The following DAGLB variants were observed in gnomAD, a reference collection of about 807,000 sequenced individuals.
The protein encoded by DAGLB is diacylglycerol lipase beta, also known as diacylglycerol lipase-beta.
In DAGLB, 66 loss-of-function variants were observed where a neutral mutation model predicts 72.1. The observed-to-expected ratio is 0.92, with a 90% CI of 0.75 to 1.12. The LOEUF is 1.12. DAGLB is among the 50% of genes most tolerant of loss of function. The pLI, the probability that DAGLB is intolerant of heterozygous loss-of-function variation, is 0.00. For missense variants in DAGLB, 1,065 were observed against 884.9 expected (o/e 1.20, Z -2.58); for synonymous variants, 414 against 359.5 (o/e 1.15, Z -1.71).
At chr7:6,434,638 A>AC (rs1016220039) in intron 4 of DAGLB, 124 bp downstream of exon 4, 19 of 1,487,360 alleles carry the variant, frequency 1.3e-5, no homozygotes, top group Non-Finnish European at 1.5e-5. Flanking sequence ...GTCTCCGGCC[A>AC]CCCCCCACAC....
At chr7:6,416,575 A>T in intron 11 of DAGLB, 52 bp downstream of exon 11, 1 of 1,546,002 alleles carries the variant, frequency 6.5e-7, no homozygotes, top group South Asian at 1.2e-5. Context: ...ATGAGTCTTG[A>T]CCACATGACT....
chr7:6,411,754 G>A (rs1017667577), intron 13 of DAGLB, among the ~76,000 whole-genome samples: 2 of 152,130 alleles, frequency 1.3e-5, no homozygotes, highest in Non-Finnish European at 2.9e-5. Context: ...CATCTCTACC[G>A]ACACTAAACA....
chr7:6,432,649 G>A (rs113386598), intron 5 of DAGLB, among the ~76,000 whole-genome samples, 188 bp downstream of exon 5: 1 of 116,928 alleles, frequency 8.6e-6, no homozygotes, highest in Admixed American at 1.1e-4. Flanking sequence ...GACAGAGCGA[G>A]ACTCCGTCTT....
intron 2 of DAGLB, among the ~76,000 whole-genome samples, chr7:6,440,159 G>A (rs1229785508): frequency 6.6e-6 from 1 of 151,420 alleles, no homozygotes; most frequent in Non-Finnish European, 1.5e-5. Flanking sequence ...TTGGGAGGCT[G>A]AGGCGGCAGA....
chr7:6,445,415 A>G (rs527251852), intron 2 of DAGLB, among the ~76,000 whole-genome samples: 40 of 152,336 alleles, frequency 2.6e-4, no homozygotes, highest in Admixed American at 4.6e-4. Flanking sequence ...GATGTCCACA[A>G]TAGGCAAATG....
intron 9 of DAGLB, chr7:6,417,262 TAAA>T: frequency 1.3e-5 from 2 of 159,440 alleles, no homozygotes; most frequent in South Asian, 3.0e-4. Context: ...CTGACTCTAC[TAAA>T]AAAAAAAAAA....
chr7:6,433,701 G>A (rs1205360129), intron 4 of DAGLB, among the ~76,000 whole-genome samples: 2 of 152,048 alleles, frequency 1.3e-5, no homozygotes, highest in South Asian at 2.1e-4. Context: ...TTAGCTGGGC[G>A]TGGTGGCAGG....
intron 6 of DAGLB, 55 bp from the exon 7 acceptor site, chr7:6,426,169 G>A (rs1343197180): frequency 3.8e-5 from 61 of 1,604,152 alleles, no homozygotes; most frequent in African/African-American, 5.4e-5. Flanking sequence ...GGCAAGGAAC[G>A]TCCATCCTCA....
chr7:6,423,420 C>A (rs5020305), intron 8 of DAGLB, among the ~76,000 whole-genome samples: 12,184 of 149,252 alleles, frequency 0.082, 1,152 homozygotes, highest in East Asian at 0.52. Context: ...ACAGAAACCA[C>A]AGACGACGCC....
At chr7:6,423,731 G>A (rs1003468656) in intron 8 of DAGLB, among the ~76,000 whole-genome samples, 1 of 152,098 alleles carries the variant, frequency 6.6e-6, no homozygotes, top group African/African-American at 2.4e-5. Context: ...GGGACTACAG[G>A]AGCCCACCAC....
intron 6 of DAGLB, among the ~76,000 whole-genome samples, chr7:6,428,122 G>A (rs1784368232): frequency 6.6e-6 from 1 of 151,928 alleles, no homozygotes; most frequent in East Asian, 1.9e-4. Context: ...CAAGGCGAGT[G>A]GATCACCTGA....
intron 14 of DAGLB, 35 bp from the exon 15 acceptor site, chr7:6,410,070 C>A (rs1320646765): frequency 1.3e-6 from 2 of 1,598,322 alleles, no homozygotes; most frequent in South Asian, 1.1e-5. Flanking sequence ...TCCCACGCGG[C>A]CCCAGGGCTG....
At chr7:6,441,092 AT>A (rs34344272) in intron 2 of DAGLB, among the ~76,000 whole-genome samples, 53,453 of 139,002 alleles carry the variant, frequency 0.38, 11,717 homozygotes, top group Middle Eastern at 0.59. Flanking sequence ...CAAACTGACA[AT>A]TTTTTTTTTT....
intron 11 of DAGLB, among the ~76,000 whole-genome samples, chr7:6,416,012 C>T (rs964668177): frequency 4.6e-5 from 7 of 151,810 alleles, no homozygotes; most frequent in African/African-American, 7.3e-5. Flanking sequence ...TGTCAACAAC[C>T]GGACCCCTCT....
intron 3 of DAGLB, among the ~76,000 whole-genome samples, chr7:6,435,771 C>A (rs536286353): frequency 3.3e-5 from 5 of 152,170 alleles, no homozygotes; most frequent in African/African-American, 1.2e-4. Context: ...GAGGAGCACA[C>A]GCAACCGGGA....
chr7:6,423,125 G>A (rs768342642), intron 8 of DAGLB, among the ~76,000 whole-genome samples: 4 of 152,154 alleles, frequency 2.6e-5, no homozygotes, highest in Non-Finnish European at 4.4e-5. Context: ...AGTGGCACAT[G>A]CCTGTATTCC....
chr7:6,416,919 AC>A lies in DAGLB; in HGVS notation c.1220del (p.Gly407ValfsTer19). 1 of 1,614,136 alleles carries A rather than the reference AC, an allele frequency of 6.2e-7. No individual in the cohort carries two copies. The highest frequency in any genetic ancestry group is 1.1e-5 in the South Asian group (1 of 91,086). On this transcript the variant is annotated frameshift_variant and splice_region_variant, in exon 10 of 15. Coordinates refer to ENST00000297056, the MANE Select transcript of DAGLB (RefSeq NM_139179.4). LOFTEE classifies it high-confidence loss of function. ...CEVQDRLAHK[G>X]ISQAARYVYQ... ...AAACGTATCTGGCAGCTTGAGAAAT[AC>A]CCTAAAAACACAGACAAAGAAGGTG...
Position 6,438,493 on chromosome 7 carries a change from A to G in DAGLB, c.248-1960T>C, listed in dbSNP as rs569865077. ...AGGGGGAAAGGGTGCAGGTATGTGG[A>G]AAAAAAAAAACACAGTCCTATATTT... is the stretch of plus-strand genomic sequence containing the variant. On this transcript the variant is annotated intron_variant, in intron 2 of 14. Transcript: ENST00000297056. 4.1e-4 allele frequency among the ~76,000 whole-genome samples: 61 copies of G among 147,280 alleles called. No homozygotes were observed. The South Asian group carries it at 9.4e-3, about 23-fold the overall frequency.
rs182028251 is a variant in DAGLB at position 6,443,187 on chromosome 7, C to A, written c.247+2766G>T. Among the ~76,000 whole-genome samples the A allele has an allele frequency of 5.3e-4, 71 of 132,806 alleles. 1 individual carries two copies. The highest frequency in any genetic ancestry group is 1.9e-3 in the African/African-American group (66 of 34,682). The allele number at this position is 132,806 out of a possible 152,430, so 87.1% of individuals were successfully genotyped here. A position where few individuals can be genotyped will look rare whatever the true frequency, so the allele number is the denominator to read the frequency against. ...CTGGGTGAAAGAGCGAGACTCCATC[C>A]GGAAAAAAAAAACAAAAAACAAAAA... On this transcript the variant is annotated intron_variant, in intron 2 of 14. Coordinates refer to ENST00000297056, the MANE Select transcript of DAGLB (RefSeq NM_139179.4).
Sources: allele counts gnomAD v4.1 joint callset (sites outside exome capture counted in the v4.1 genomes callset), GRCh38; gene constraint gnomAD v4.1.1; transcripts MANE v1.5; gene names NCBI Gene and HGNC (gene_info 2026-07-23, HGNC 2026-07-21).